Variants in DSE observed in about 807,000 individuals in gnomAD.
DSE encodes dermatan sulfate epimerase.
In DSE, 36 loss-of-function variants were observed where a neutral mutation model predicts 84.4. That is an observed-to-expected ratio of 0.43 (90% CI 0.33 to 0.56). DSE has a LOEUF of 0.56. Among genes scored for constraint, DSE ranks in the 20% least tolerant of loss-of-function variants. DSE has a pLI of 0.06. For synonymous variants in DSE, 410 were observed against 430.1 expected (o/e 0.95, Z 0.58); for missense variants, 862 against 1,169.6 (o/e 0.74, Z 3.84).
intron 2 of DSE, among the ~76,000 whole-genome samples, chr6:116,360,718 C>T (rs1264266192): frequency 6.6e-6 from 1 of 152,136 alleles, no homozygotes; most frequent in African/African-American, 2.4e-5. Flanking sequence ...TCCTATTAAG[C>T]CCCAGCACTT....
chr6:116,304,400 T>C (rs893671913), intron 2 of DSE, among the ~76,000 whole-genome samples: 1 of 152,150 alleles, frequency 6.6e-6, no homozygotes, highest in Non-Finnish European at 1.5e-5. Context: ...TAGAGTGCCA[T>C]CCCAGAATGC....
chr6:116,296,944 T>A (rs1774703285), intron 2 of DSE, among the ~76,000 whole-genome samples: 1 of 151,946 alleles, frequency 6.6e-6, no homozygotes, highest in Non-Finnish European at 1.5e-5. Flanking sequence ...TTTGTGGGGA[T>A]TGGGTAGGGA....
At chr6:116,409,404 G>A (rs947881998) in intron 2 of DSE, among the ~76,000 whole-genome samples, 1 of 152,118 alleles carries the variant, frequency 6.6e-6, no homozygotes, top group Non-Finnish European at 1.5e-5. Context: ...AGCCTCCCGA[G>A]TAGGCTCGGA....
At chr6:116,429,923 G>A (rs1360250680) in intron 3 of DSE, among the ~76,000 whole-genome samples, 1 of 135,644 alleles carries the variant, frequency 7.4e-6, no homozygotes, top group East Asian at 2.1e-4. Context: ...CTGCACTCCC[G>A]TCTGGGCCAC....
intron 1 of DSE, among the ~76,000 whole-genome samples, chr6:116,373,980 A>G (rs1350069160): frequency 2.0e-5 from 3 of 152,244 alleles, no homozygotes; most frequent in African/African-American, 7.2e-5. Context: ...TTTGAGTTTT[A>G]GTATATTGGT....
chr6:116,384,675 A>G (rs192547800), intron 1 of DSE, among the ~76,000 whole-genome samples: 46 of 152,296 alleles, frequency 3.0e-4, no homozygotes, highest in Non-Finnish European at 4.9e-4. Context: ...CTGTATAACT[A>G]TATGTTTAGT....
chr6:116,399,116 G>A (rs1781427905), intron 1 of DSE, 82 bp from the exon 2 acceptor site: 2 of 1,117,112 alleles, frequency 1.8e-6, no homozygotes, highest in African/African-American at 3.1e-5. Context: ...TTCACATATG[G>A]TTTCTACCTC....
At chr6:116,265,755 A>G (rs7765541) in intron 2 of DSE, among the ~76,000 whole-genome samples, 39,555 of 151,992 alleles carry the variant, frequency 0.26, 5,964 homozygotes, top group East Asian at 0.64. Context: ...AGTCTGATGG[A>G]CAAGACCACT....
chr6:116,302,586 T>C (rs571271879), intron 2 of DSE, among the ~76,000 whole-genome samples: 1 of 152,350 alleles, frequency 6.6e-6, no homozygotes, highest in Non-Finnish European at 1.5e-5. Context: ...TCTCATTTTG[T>C]AGGTTGCCTA....
intron 1 of DSE, among the ~76,000 whole-genome samples, chr6:116,376,798 G>A (rs886457596): frequency 6.6e-6 from 1 of 152,238 alleles, no homozygotes; most frequent in Admixed American, 6.5e-5. Context: ...TTAGGTAAGT[G>A]TAGTCTTGTT....
At position 116,335,572 on chromosome 6, in the gene DSE, T is replaced by C. The variant is rs536497149; in HGVS notation, c.-53-63626T>C. On this transcript the variant is annotated intron_variant, in intron 2 of 3. Coordinates refer to the DSE transcript ENST00000430252. ...TTTCTTCTCCTTTGTTTGATTGTAC[T>C]GTTAAAGACAAAATACAACAAATTT... Among the ~76,000 whole-genome samples the C allele has an allele frequency of 8.5e-5, 13 of 152,320 alleles. No individual in the cohort carries two copies. In the South Asian group the frequency reaches 2.5e-3, roughly 29 times the overall value.
intron 2 of DSE, among the ~76,000 whole-genome samples, chr6:116,285,019 C>G (rs374889517): frequency 6.6e-6 from 1 of 152,078 alleles, no homozygotes; most frequent in Non-Finnish European, 1.5e-5. Context: ...ATTTATAATC[C>G]TTTGGGTATA....
chr6:116,345,318 C>A (rs955101157), intron 2 of DSE, among the ~76,000 whole-genome samples: 1 of 152,202 alleles, frequency 6.6e-6, no homozygotes, highest in South Asian at 2.1e-4. Flanking sequence ...AATATACATT[C>A]TTCTCAGCAC....
chr6:116,279,469 AGGCTGCGGTC>A, intron 2 of DSE: 1 of 1,612,740 alleles, frequency 6.2e-7, no homozygotes, highest in Non-Finnish European at 8.5e-7. Flanking sequence ...GCCCTTTTTC[AGGCTGCGGTC>A]GGCTGCCATC....
At chr6:116,400,596 T>G in intron 2 of DSE, 1 of 152,222 alleles carries the variant, frequency 6.6e-6, no homozygotes, top group East Asian at 1.9e-4. Context: ...CCGATAAATT[T>G]CTGGAATTTT....
At chr6:116,408,198 C>T (rs1298228098) in intron 2 of DSE, among the ~76,000 whole-genome samples, 3 of 152,176 alleles carry the variant, frequency 2.0e-5, no homozygotes, top group Non-Finnish European at 2.9e-5. Context: ...CTAGATTCGG[C>T]TCCAAAGAAA....
At chr6:116,326,690 C>T (rs535426524) in intron 2 of DSE, among the ~76,000 whole-genome samples, 28 of 152,060 alleles carry the variant, frequency 1.8e-4, no homozygotes, top group Non-Finnish European at 3.4e-4. Flanking sequence ...TTAGGCACTC[C>T]CTGAAACTTA....
chr6:116,329,006 C>G (rs1776792910), intron 2 of DSE, among the ~76,000 whole-genome samples: 1 of 152,170 alleles, frequency 6.6e-6, no homozygotes, highest in Non-Finnish European at 1.5e-5. Flanking sequence ...CAGTTCCAAG[C>G]AATATCAACA....
chr6:116,423,151 C>A (rs1222679623), intron 2 of DSE: 2 of 152,150 alleles, frequency 1.3e-5, no homozygotes, highest in African/African-American at 4.8e-5. Flanking sequence ...TGTTCTCAAA[C>A]CAGGTAATAC....
Sources: gnomAD v4.1 joint callset for allele counts (sites outside exome capture counted in the v4.1 genomes callset) on GRCh38, gnomAD v4.1.1 for gene constraint, MANE v1.5 for transcripts, NCBI Gene and HGNC (gene_info 2026-07-23, HGNC 2026-07-21) for gene names.